The following ERBB4 variants were observed in gnomAD, a reference collection of about 807,000 sequenced individuals.
ERBB4 encodes the protein receptor tyrosine-protein kinase erbB-4.
ERBB4 carries 42 observed loss-of-function variants against 158.0 expected under a neutral mutation model. That is an observed-to-expected ratio of 0.27 (90% CI 0.21 to 0.34). The LOEUF (loss-of-function observed/expected upper bound fraction) is 0.34. Among genes scored for constraint, ERBB4 ranks in the 10% least tolerant of loss-of-function variants. The pLI, the probability that ERBB4 is intolerant of heterozygous loss-of-function variation, is 1.00. For missense variants in ERBB4, 1,333 were observed against 1,624.1 expected (o/e 0.82, Z 3.08); for synonymous variants, 583 against 558.7 (o/e 1.04, Z -0.61).
intron 20 of ERBB4, among the ~76,000 whole-genome samples, chr2:211,464,860 A>T (rs1195186044): frequency 6.6e-6 from 1 of 152,058 alleles, no homozygotes; most frequent in East Asian, 1.9e-4. Context: ...GTTAGAACTT[A>T]GCCAGGAGAC....
rs141528271 is a variant in ERBB4 at position 212,461,123 on chromosome 2, G to A, written c.82+77326C>T. On this transcript the variant is annotated intron_variant, in intron 1 of 27. Coordinates refer to ENST00000342788, the MANE Select transcript of ERBB4 (RefSeq NM_005235.3). The stretch of plus-strand genomic sequence containing the variant: ...GGGCAGTATGGAAGAGAAATGTGGG[G>A]TGGGAACCCCCCCTCCACAGAGTCC... Among the ~76,000 whole-genome samples the A allele has an allele frequency of 8.9e-3, 1,362 of 152,334 alleles. 22 individuals are homozygous for A. The highest frequency in any genetic ancestry group is 0.031 in the African/African-American group (1,304 of 41,576).
intron 1 of ERBB4, among the ~76,000 whole-genome samples, chr2:212,524,755 T>A (rs962787499): frequency 6.6e-6 from 1 of 152,022 alleles, no homozygotes; most frequent in Non-Finnish European, 1.5e-5. Flanking sequence ...AAAAATGCAT[T>A]TCTCGAACCG....
chr2:212,349,871 G>T lies in ERBB4; in HGVS notation c.82+188578C>A, dbSNP rs553718670. On this transcript the variant is annotated intron_variant, in intron 1 of 27. Transcript: ENST00000342788. ...GGGAAAGCAATCCCAGCAAAATCAAGGTTCTGTTAATAAGGAAGAAGGGGA... is the reference window on the plus strand; with the variant it reads ...GGGAAAGCAATCCCAGCAAAATCAATGTTCTGTTAATAAGGAAGAAGGGGA... Among the ~76,000 whole-genome samples, 6 of 152,044 alleles carry T rather than the reference G, an allele frequency of 3.9e-5. No individual in the cohort carries two copies. In the South Asian group the frequency reaches 8.3e-4, roughly 21 times the overall value.
chr2:212,050,316 C>T (rs1353498499), intron 2 of ERBB4, among the ~76,000 whole-genome samples: 1 of 152,162 alleles, frequency 6.6e-6, no homozygotes, highest in African/African-American at 2.4e-5. Context: ...GCAATGCACA[C>T]ATCTTAATGC....
chr2:211,923,246 G>T (rs1175114242), intron 3 of ERBB4, among the ~76,000 whole-genome samples: 4 of 152,120 alleles, frequency 2.6e-5, no homozygotes, highest in Non-Finnish European at 5.9e-5. Flanking sequence ...GTAGAATTAC[G>T]AGAAGGCAGG....
chr2:212,191,777 CGT>C (rs201334020), intron 1 of ERBB4, among the ~76,000 whole-genome samples: 1,954 of 126,780 alleles, frequency 0.015, 73 homozygotes, highest in South Asian at 0.024. Flanking sequence ...ATATATAACA[CGT>C]GTGTTATATG....
chr2:212,496,403 A>C, intron 1 of ERBB4, among the ~76,000 whole-genome samples: 1 of 152,144 alleles, frequency 6.6e-6, no homozygotes, highest in East Asian at 1.9e-4. Context: ...TCTTCAATGG[A>C]TCACACCATT....
intron 24 of ERBB4, 24 bp downstream of exon 24, chr2:211,421,983 A>G: frequency 6.8e-7 from 1 of 1,475,466 alleles, no homozygotes; most frequent in South Asian, 1.1e-5. Flanking sequence ...CCTAGTCTTA[A>G]AGGCATAAGT....
chr2:212,470,273 G>T (rs1574980003), intron 1 of ERBB4, among the ~76,000 whole-genome samples: 1 of 151,964 alleles, frequency 6.6e-6, no homozygotes, highest in Admixed American at 6.6e-5. Context: ...GGAAAATAGT[G>T]CCAGCCTCTC....
At position 212,130,681 on chromosome 2, in the gene ERBB4, G is replaced by A. The variant is rs118010397; in HGVS notation, c.83-5778C>T. On this transcript the variant is annotated intron_variant, in intron 1 of 27. Transcript: ENST00000342788. ...AACTCTCAGATCAAATGCCTATTGC[G>A]AGATATCAGTTTATCAATTAAGAAA... Among the ~76,000 whole-genome samples, 668 of 152,120 alleles carry A rather than the reference G, an allele frequency of 4.4e-3. 10 individuals carry two copies. The highest frequency in any genetic ancestry group is 0.032 in the Admixed American group (496 of 15,268).
At chr2:212,123,056 C>T (rs4375808) in intron 2 of ERBB4, among the ~76,000 whole-genome samples, 1 of 152,136 alleles carries the variant, frequency 6.6e-6, no homozygotes, top group Non-Finnish European at 1.5e-5. Flanking sequence ...GTCATATGTT[C>T]TAGGATAGCT....
chr2:211,516,325 C>G (rs1331401468), intron 20 of ERBB4, among the ~76,000 whole-genome samples: 4 of 151,222 alleles, frequency 2.6e-5, no homozygotes, highest in Non-Finnish European at 4.4e-5. Context: ...TTATTTCTTC[C>G]CTTTTTTTTC....
intron 1 of ERBB4, among the ~76,000 whole-genome samples, chr2:212,423,433 T>C (rs1206584369): frequency 1.3e-5 from 2 of 152,042 alleles, no homozygotes; most frequent in Non-Finnish European, 2.9e-5. Flanking sequence ...ATGTCAAGAG[T>C]TGGTAACCAT....
At chr2:211,615,714 T>G (rs1348826065) in intron 19 of ERBB4, among the ~76,000 whole-genome samples, 1 of 152,120 alleles carries the variant, frequency 6.6e-6, no homozygotes, top group Non-Finnish European at 1.5e-5. Context: ...CCTTTACCCT[T>G]GAATATCAAT....
At chr2:212,263,506 G>GT (rs1203465127) in intron 1 of ERBB4, among the ~76,000 whole-genome samples, 3 of 152,028 alleles carry the variant, frequency 2.0e-5, no homozygotes, top group South Asian at 4.1e-4. Flanking sequence ...ACCAAATTGC[G>GT]TTTTTGCAGC....
intron 1 of ERBB4, among the ~76,000 whole-genome samples, chr2:212,207,934 A>C (rs1218942678): frequency 6.6e-6 from 1 of 152,072 alleles, no homozygotes; most frequent in Non-Finnish European, 1.5e-5. Flanking sequence ...AATTTGTATT[A>C]AATTCAATAA....
chr2:212,233,797 G>A (rs185982670), intron 1 of ERBB4, among the ~76,000 whole-genome samples: 7 of 152,050 alleles, frequency 4.6e-5, no homozygotes, highest in African/African-American at 1.4e-4. Context: ...AAGCCAAGTT[G>A]AGTTGGTAAT....
At chr2:212,112,872 C>T (rs2079454864) in intron 2 of ERBB4, among the ~76,000 whole-genome samples, 1 of 152,102 alleles carries the variant, frequency 6.6e-6, no homozygotes, top group Non-Finnish European at 1.5e-5. Flanking sequence ...TCCAGTATAA[C>T]AAAATTCACT....
intron 1 of ERBB4, among the ~76,000 whole-genome samples, chr2:212,213,840 T>C (rs1356849423): frequency 6.6e-6 from 1 of 151,858 alleles, no homozygotes; most frequent in Non-Finnish European, 1.5e-5. Context: ...AGCTGTATTC[T>C]TTAGAATTTC....
Sources: gnomAD v4.1 joint callset for allele counts (sites outside exome capture counted in the v4.1 genomes callset) on GRCh38, gnomAD v4.1.1 for gene constraint, MANE v1.5 for transcripts, NCBI Gene and HGNC (gene_info 2026-07-23, HGNC 2026-07-21) for gene names.